Variants in CDH13 observed in about 807,000 individuals in gnomAD.
The protein encoded by CDH13 is cadherin-13.
In CDH13, 24 loss-of-function variants were observed where a neutral mutation model predicts 63.8. The observed-to-expected ratio is 0.38, with a 90% CI of 0.27 to 0.53. The LOEUF is 0.53. Ranked by LOEUF, CDH13 falls within the 20% of genes least tolerant of loss-of-function variation. The probability of loss-of-function intolerance (pLI) is 0.85; values close to 1 mark genes in which losing one functional copy is unlikely to be tolerated. For synonymous variants in CDH13, 503 were observed against 355.3 expected (o/e 1.42, Z -4.67); for missense variants, 1,049 against 903.1 (o/e 1.16, Z -2.07).
chr16:83,301,652 A>G (rs542580713), intron 5 of CDH13, among the ~76,000 whole-genome samples: 1 of 152,084 alleles, frequency 6.6e-6, no homozygotes, highest in Non-Finnish European at 1.5e-5. Flanking sequence ...AGGCTTTACG[A>G]AGAGTTTTTG....
chr16:82,965,631 A>G (rs1907687275), intron 2 of CDH13, among the ~76,000 whole-genome samples: 1 of 152,122 alleles, frequency 6.6e-6, no homozygotes, highest in Non-Finnish European at 1.5e-5. Flanking sequence ...TCCAGGTTCA[A>G]GGGATTCTCC....
rs528620401 is a variant in CDH13 at position 82,697,563 on chromosome 16, G to A, written c.45+70426G>A. On this transcript the variant is annotated intron_variant, in intron 1 of 13. Coordinates refer to ENST00000567109, the MANE Select transcript of CDH13 (RefSeq NM_001257.5). ...TCTGCCTCAGCCTCCTGAGTAGCTG[G>A]GATTACAGGTGCCCGCCACTATGCC... Among the ~76,000 whole-genome samples the A allele has an allele frequency of 5.2e-4, 79 of 151,358 alleles. No individual in the cohort carries two copies. The East Asian group carries it at 0.015, about 28-fold the overall frequency.
At chr16:83,497,843 A>G (rs78306120) in intron 7 of CDH13, among the ~76,000 whole-genome samples, 21,770 of 152,154 alleles carry the variant, frequency 0.14, 2,014 homozygotes, top group South Asian at 0.26. Flanking sequence ...TCATATGTCT[A>G]TATCTGAAGT....
chr16:83,052,624 A>G (rs1188207855), intron 3 of CDH13, among the ~76,000 whole-genome samples: 1 of 152,118 alleles, frequency 6.6e-6, no homozygotes, highest in Non-Finnish European at 1.5e-5. Flanking sequence ...TACTAAAAAT[A>G]CAAAAATTAG....
chr16:83,519,590 A>G (rs1406071543), intron 7 of CDH13, among the ~76,000 whole-genome samples: 1 of 152,248 alleles, frequency 6.6e-6, no homozygotes, highest in African/African-American at 2.4e-5. Flanking sequence ...CCCTTTGATC[A>G]GAAGTCAGAG....
At position 83,129,291 on chromosome 16, in the gene CDH13, CG is replaced by C. The variant is rs2035946178; in HGVS notation, c.483+3791del. ...TTTATAAATATTACGTATTAGACTTCGATATAGAATGCCATTTGAAGAAGAG... is the reference window on the plus strand; with the variant it reads ...TTTATAAATATTACGTATTAGACTTCATATAGAATGCCATTTGAAGAAGAG... On this transcript the variant is annotated intron_variant, in intron 4 of 13. Transcript: ENST00000567109. Among the ~76,000 whole-genome samples, 4 of 152,150 alleles carry C rather than the reference CG, an allele frequency of 2.6e-5. No homozygotes were observed. The South Asian group carries it at 8.3e-4, about 32-fold the overall frequency.
At chr16:83,523,167 A>G (rs951122141) in intron 7 of CDH13, among the ~76,000 whole-genome samples, 1 of 152,116 alleles carries the variant, frequency 6.6e-6, no homozygotes, top group African/African-American at 2.4e-5. Flanking sequence ...TAAAAGTTTG[A>G]TGTCATCCTC....
At chr16:83,059,432 A>G (rs950407414) in intron 3 of CDH13, among the ~76,000 whole-genome samples, 5 of 152,128 alleles carry the variant, frequency 3.3e-5, no homozygotes, top group African/African-American at 4.8e-5. Context: ...GAGCCAGGTG[A>G]GTGTGTGCTC....
chr16:82,642,910 C>T (rs1301759335), intron 1 of CDH13, among the ~76,000 whole-genome samples: 1 of 152,210 alleles, frequency 6.6e-6, no homozygotes, highest in Non-Finnish European at 1.5e-5. Context: ...AGCTTTAGGA[C>T]TCTAGGGCTG....
At chr16:83,510,903 C>G (rs1348559516) in intron 7 of CDH13, among the ~76,000 whole-genome samples, 1 of 152,244 alleles carries the variant, frequency 6.6e-6, no homozygotes, top group Non-Finnish European at 1.5e-5. Flanking sequence ...TTTGGAATTT[C>G]ACACAAAATT....
chr16:83,660,368 TA>T (rs1343320813), intron 8 of CDH13, among the ~76,000 whole-genome samples: 2 of 152,192 alleles, frequency 1.3e-5, no homozygotes, highest in African/African-American at 4.8e-5. Flanking sequence ...TCATGAGGAA[TA>T]CACAACCTAG....
At chr16:82,882,226 T>C (rs2040728958) in intron 2 of CDH13, among the ~76,000 whole-genome samples, 1 of 152,194 alleles carries the variant, frequency 6.6e-6, no homozygotes, top group African/African-American at 2.4e-5. Flanking sequence ...ATTAACATAA[T>C]AATAAGCATT....
At chr16:83,231,762 C>A (rs1375923433) in intron 5 of CDH13, among the ~76,000 whole-genome samples, 1 of 152,096 alleles carries the variant, frequency 6.6e-6, no homozygotes, top group Non-Finnish European at 1.5e-5. Context: ...ACTAGATGAA[C>A]CCTGGTATGG....
intron 6 of CDH13, among the ~76,000 whole-genome samples, chr16:83,401,117 G>C (rs2091961724): frequency 6.6e-6 from 1 of 152,048 alleles, no homozygotes; most frequent in South Asian, 2.1e-4. Flanking sequence ...GAGGTGGGTG[G>C]ATCACCTGAG....
chr16:83,736,475 G>A (rs1241887743), intron 10 of CDH13, among the ~76,000 whole-genome samples: 1 of 152,122 alleles, frequency 6.6e-6, no homozygotes, highest in African/African-American at 2.4e-5. Context: ...GTATTTCTCT[G>A]TATTGCTTGG....
chr16:83,696,776 G>A (rs1905463889), intron 10 of CDH13, among the ~76,000 whole-genome samples: 1 of 152,164 alleles, frequency 6.6e-6, no homozygotes. Flanking sequence ...TCACCCAGAT[G>A]ACAATAATTG....
At chr16:83,774,548 AT>A (rs1914977956) in intron 11 of CDH13, among the ~76,000 whole-genome samples, 1 of 151,896 alleles carries the variant, frequency 6.6e-6, no homozygotes, top group Non-Finnish European at 1.5e-5. Context: ...AATTTTTTGT[AT>A]TTTTAGTAGA....
intron 7 of CDH13, among the ~76,000 whole-genome samples, chr16:83,560,430 C>G (rs761702109): frequency 8.5e-5 from 13 of 152,238 alleles, no homozygotes; most frequent in Non-Finnish European, 1.8e-4. Context: ...CTCAAAAGGA[C>G]AAATATTGCA....
intron 2 of CDH13, among the ~76,000 whole-genome samples, chr16:82,928,660 C>A (rs1435360280): frequency 6.6e-6 from 1 of 152,134 alleles, no homozygotes; most frequent in Non-Finnish European, 1.5e-5. Context: ...GTTGTGTAGG[C>A]TCTGTAAAAA....
Sources: gnomAD v4.1 joint callset for allele counts (sites outside exome capture counted in the v4.1 genomes callset) on GRCh38, gnomAD v4.1.1 for gene constraint, MANE v1.5 for transcripts, NCBI Gene and HGNC (gene_info 2026-07-23, HGNC 2026-07-21) for gene names.